Variants in TCF4 observed in about 807,000 individuals in gnomAD.
TCF4 encodes transcription factor 4.
A neutral mutation model predicts 82.1 loss-of-function variants in TCF4; 3 were observed. The ratio of observed to expected loss-of-function variants is 0.04; its 90% CI spans 0.02 to 0.09. The LOEUF (loss-of-function observed/expected upper bound fraction) is 0.09. TCF4 is among the 10% of genes least tolerant of loss of function. TCF4 has a pLI of 1.00. For missense variants in TCF4, 518 were observed against 852.7 expected (o/e 0.61, Z 4.89); for synonymous variants, 276 against 309.6 (o/e 0.89, Z 1.14).
At chr18:55,322,440 A>T in intron 8 of TCF4, 1 of 1,008,410 alleles carries the variant, frequency 9.9e-7, no homozygotes. Flanking sequence ...AAAAAAAAAA[A>T]AAAAAAAAAA....
chr18:55,252,331 T>C (rs965629860), intron 15 of TCF4, among the ~76,000 whole-genome samples: 2 of 151,564 alleles, frequency 1.3e-5, no homozygotes, highest in South Asian at 2.1e-4. Flanking sequence ...CTTATCCTTA[T>C]CAGCAAAACT....
intron 3 of TCF4, among the ~76,000 whole-genome samples, chr18:55,517,607 A>G (rs1315266049): frequency 2.6e-5 from 4 of 152,250 alleles, no homozygotes; most frequent in Non-Finnish European, 4.4e-5. Context: ...TAAATGTACA[A>G]TATAAGAGAA....
chr18:55,506,094 C>T (rs1199139532), intron 3 of TCF4, among the ~76,000 whole-genome samples: 1 of 152,174 alleles, frequency 6.6e-6, no homozygotes, highest in Non-Finnish European at 1.5e-5. Context: ...AGCTGGAAAG[C>T]TTGTGCTTCC....
intron 11 of TCF4, chr18:55,269,414 G>A (rs190744027): frequency 3.5e-6 from 1 of 283,484 alleles, no homozygotes; most frequent in East Asian, 8.3e-5. Context: ...TCGGAAGACA[G>A]TGGCACATCA....
chr18:55,398,633 T>G (rs902615949), intron 6 of TCF4, among the ~76,000 whole-genome samples: 10 of 152,100 alleles, frequency 6.6e-5, no homozygotes, highest in African/African-American at 2.4e-4. Flanking sequence ...GAGAGTGCAG[T>G]TTTCTGGTTT....
At chr18:55,534,945 C>G (rs1219730977) in intron 3 of TCF4, among the ~76,000 whole-genome samples, 7 of 152,168 alleles carry the variant, frequency 4.6e-5, no homozygotes. Flanking sequence ...TGTGTCCAAT[C>G]TATTCTATCT....
At chr18:55,496,132 C>G (rs943193522) in intron 3 of TCF4, 1 of 152,142 alleles carries the variant, frequency 6.6e-6, no homozygotes, top group East Asian at 1.9e-4. Context: ...ACTACTACAG[C>G]GTAAGCCTGT....
intron 8 of TCF4, among the ~76,000 whole-genome samples, chr18:55,349,759 G>A (rs745569164): frequency 3.9e-4 from 59 of 151,950 alleles, no homozygotes; most frequent in Non-Finnish European, 6.5e-4. Flanking sequence ...GGGGGTGGGT[G>A]GGGGATATCA....
In TCF4 at chr18:55,261,539, A is replaced by G; in HGVS notation, c.923-6T>C. The G allele has an allele frequency of 6.2e-7, 1 of 1,613,904 alleles. No homozygotes were observed. Among genetic ancestry groups the G allele is most frequent in the Non-Finnish European group, 8.5e-7 (1 of 1,179,826 alleles). The stretch of plus-strand genomic sequence containing the variant: ...TGCCCCGCTTCCTCTATTTGCTGCA[A>G]AAACAAAAGGCAGAATATGAAAACC... On this transcript the variant is annotated splice_region_variant and splice_polypyrimidine_tract_variant and intron_variant, in intron 11 of 19. Transcript: ENST00000354452.
intron 3 of TCF4, among the ~76,000 whole-genome samples, chr18:55,514,565 T>C (rs982875063): frequency 6.6e-6 from 1 of 152,142 alleles, no homozygotes; most frequent in African/African-American, 2.4e-5. Context: ...TCATTAAATA[T>C]AAAAATTTAA....
intron 3 of TCF4, among the ~76,000 whole-genome samples, chr18:55,477,533 C>T (rs2096318703): frequency 6.6e-6 from 1 of 152,178 alleles, no homozygotes; most frequent in Admixed American, 6.5e-5. Flanking sequence ...AACTGTGAGT[C>T]TCCCCTCTGT....
intron 3 of TCF4, among the ~76,000 whole-genome samples, chr18:55,570,292 G>A (rs1369401258): frequency 3.9e-5 from 6 of 152,014 alleles, no homozygotes. Flanking sequence ...ACAACCTTGG[G>A]GTAAGAAGGC....
intron 2 of TCF4, among the ~76,000 whole-genome samples, chr18:55,609,485 C>G (rs925107284): frequency 1.3e-5 from 2 of 152,134 alleles, no homozygotes; most frequent in African/African-American, 4.8e-5. Flanking sequence ...TTTTCAGGCT[C>G]TGAGCAAAGG....
rs1603426527 is a variant in TCF4 at position 55,380,999 on chromosome 18, A to G, written c.369+22455T>C. On this transcript the variant is annotated intron_variant, in intron 6 of 19. Transcript: ENST00000354452. ...TTTAAAATTAAGTTAGCATTATGTT[A>G]TTCTTGACATCTTTTCTAATTAGGG... Among the ~76,000 whole-genome samples, 3 of 152,194 alleles carry G rather than the reference A, an allele frequency of 2.0e-5. No homozygotes were observed. The East Asian group carries it at 5.8e-4, about 29-fold the overall frequency.
intron 6 of TCF4, among the ~76,000 whole-genome samples, chr18:55,374,370 A>C (rs942007970): frequency 2.0e-5 from 3 of 152,046 alleles, no homozygotes; most frequent in Middle Eastern, 3.4e-3. Flanking sequence ...CAAAGAAAAC[A>C]CACAAACCTC....
At chr18:55,596,749 TAAC>T (rs1206364503) in intron 2 of TCF4, among the ~76,000 whole-genome samples, 3 of 152,230 alleles carry the variant, frequency 2.0e-5, no homozygotes, top group Non-Finnish European at 4.4e-5. Context: ...ACTTGCATCA[TAAC>T]AAGAGTATTG....
chr18:55,486,671 G>C (rs1473212310), intron 3 of TCF4, among the ~76,000 whole-genome samples: 1 of 152,146 alleles, frequency 6.6e-6, no homozygotes, highest in African/African-American at 2.4e-5. Context: ...TGAATTCCAA[G>C]GTGTGGCCAG....
chr18:55,234,457 C>T, intron 16 of TCF4, 91 bp downstream of exon 16: 2 of 1,570,270 alleles, frequency 1.3e-6, no homozygotes, highest in East Asian at 2.3e-5. Flanking sequence ...TCTGCCAGTG[C>T]TTCTTGAGGG....
At chr18:55,279,353 G>A (rs1163101693) in intron 9 of TCF4, among the ~76,000 whole-genome samples, 198 bp downstream of exon 9, 1 of 152,134 alleles carries the variant, frequency 6.6e-6, no homozygotes. Flanking sequence ...CTGCTTAAAG[G>A]GGTTTAATTG....
Sources: gnomAD v4.1 joint callset for allele counts (sites outside exome capture counted in the v4.1 genomes callset) on GRCh38, gnomAD v4.1.1 for gene constraint, MANE v1.5 for transcripts, NCBI Gene and HGNC (gene_info 2026-07-23, HGNC 2026-07-21) for gene names.